ASPG: variants seen among roughly 807,000 people sequenced by gnomAD.
ASPG encodes 60 kDa lysophospholipase.
A neutral mutation model predicts 63.2 loss-of-function variants in ASPG; 53 were observed. The ratio of observed to expected loss-of-function variants is 0.84; its 90% CI spans 0.67 to 1.05. The LOEUF is 1.05. Among genes scored for constraint, ASPG ranks in the 50% least tolerant of loss-of-function variants. The probability of loss-of-function intolerance (pLI) is 0.00; values close to 1 mark genes in which losing one functional copy is unlikely to be tolerated. For synonymous variants in ASPG, 370 were observed against 355.0 expected, an observed-to-expected ratio of 1.04 and a Z score of -0.48; for missense variants, 741 against 794.4, an observed-to-expected ratio of 0.93 and a Z score of 0.81.
rs2037438551 is a variant in ASPG, at chr14:104,114,499, G to A, written c.*1955G>A. The A allele has an allele frequency of 2.6e-5, 4 of 152,312 alleles. No homozygotes were observed. The highest frequency in any genetic ancestry group is 2.6e-4 in the Admixed American group (4 of 15,290). The allele number at this position is 152,312 out of a possible 1,614,324, so 9.4% of individuals were successfully genotyped here. On this transcript the variant is annotated 3_prime_UTR_variant, in exon 16 of 16. Coordinates refer to ENST00000551177, the MANE Select transcript of ASPG (RefSeq NM_001080464.3). ...CTGGGCCAGTGTCTCAGGAGGCTGT[G>A]AAGAGTCATAGGCTTGAGTCTGGGA...
chr14:104,087,385 C>T (rs542729252), intron 1 of ASPG, among the ~76,000 whole-genome samples: 3 of 152,342 alleles, frequency 2.0e-5, no homozygotes, highest in African/African-American at 4.8e-5. Flanking sequence ...GGAGCTAGTC[C>T]CAGGGGCAGG....
At chr14:104,097,151 C>T (rs961840919) in intron 4 of ASPG, among the ~76,000 whole-genome samples, 1 of 152,164 alleles carries the variant, frequency 6.6e-6, no homozygotes, top group Non-Finnish European at 1.5e-5. Context: ...ATGCGTTCTC[C>T]AGTATGGGGA....
At chr14:104,101,354 C>T (rs2036867269) in intron 6 of ASPG, among the ~76,000 whole-genome samples, 1 of 152,190 alleles carries the variant, frequency 6.6e-6, no homozygotes, top group Non-Finnish European at 1.5e-5. Context: ...CTGCCAGCAC[C>T]CTGTCGAGGG....
At position 104,110,589 on chromosome 14, in the gene ASPG, C is replaced by T. The variant is rs2037343327; in HGVS notation, c.1521-913C>T. 2 of 985,136 alleles carry T rather than the reference C, an allele frequency of 2.0e-6. No homozygotes were observed. Among genetic ancestry groups the T allele is most frequent in the Non-Finnish European group, 1.2e-6 (1 of 829,854 alleles). The allele number at this position is 985,136 out of a possible 1,614,324, so 61.0% of individuals were successfully genotyped here. On this transcript the variant is annotated intron_variant, in intron 13 of 15. Coordinates refer to ENST00000551177, the MANE Select transcript of ASPG (RefSeq NM_001080464.3). The surrounding 1 kb of genome is among the most constrained non-coding windows in gnomAD (Gnocchi z 4.7). ...GGGCCGGTGTGTGTGTGGGGCTTGGCCTCTTGGAGCAGGTCCAGGAGGGGC... is the reference window on the plus strand; with the variant it reads ...GGGCCGGTGTGTGTGTGGGGCTTGGTCTCTTGGAGCAGGTCCAGGAGGGGC...
At chr14:104,092,501 T>C in intron 1 of ASPG, 132 bp from the exon 2 acceptor site, 1 of 775,762 alleles carries the variant, frequency 1.3e-6, no homozygotes. Context: ...GCCATAGCCC[T>C]TCCTCCCAGC....
At chr14:104,103,799 T>TCTG in intron 7 of ASPG, 124 bp downstream of exon 7, 1 of 767,678 alleles carries the variant, frequency 1.3e-6, no homozygotes, top group Admixed American at 2.7e-5. Flanking sequence ...ACCTGAGATG[T>TCTG]CTGCAGTGTG....
Position 104,094,836 on chromosome 14 carries a change from C to G in ASPG, c.304-695C>G, listed in dbSNP as rs181232475. 1.8e-3 allele frequency among the ~76,000 whole-genome samples: 275 copies of G among 152,340 alleles called. 1 individual carries two copies. Among genetic ancestry groups the G allele is most frequent in the South Asian group, 0.016 (75 of 4,830 alleles). ...TGCCGCGAGTGGCCAGCAGAGGGCGCCCTTCCCCTCCTTGGCCTCCGCTCC... is the reference window on the plus strand; with the variant it reads ...TGCCGCGAGTGGCCAGCAGAGGGCGGCCTTCCCCTCCTTGGCCTCCGCTCC... On this transcript the variant is annotated intron_variant, in intron 3 of 15. Transcript: ENST00000551177.
Position 104,107,143 on chromosome 14 carries a change from G to A in ASPG, c.1270-39G>A, listed in dbSNP as rs570756518. On this transcript the variant is annotated intron_variant, in intron 11 of 15. Transcript: ENST00000551177. The stretch of plus-strand genomic sequence containing the variant: ...CCCATGGCCTACCTGGCCCCGCCTG[G>A]GTCTCCCTCAGGGGTCGCATGTCCT... 1.6e-5 allele frequency: 25 copies of A among 1,527,350 alleles called. No homozygotes were observed. In the African/African-American group the frequency reaches 2.9e-4, roughly 18 times the overall value. 94.6% of individuals were successfully genotyped at this position (1,527,350 alleles called of 1,614,324 possible).
chr14:104,092,700 C>A lies in ASPG; in HGVS notation c.150C>A (p.His50Gln), dbSNP rs61746376. ...TGCCCATGTTCCATGACGAGGAGCA[C>A]GCCCGAGCCCGCGGCCTCTCTGAGG... ...RTLPMFHDEE[H>Q]ARARGLSEDT... The change falls in exon 2 of 16, where the codon CAC becomes CAA. Residue 50 changes from histidine to glutamine, a missense_variant. His to Gln is a conservative substitution (Grantham distance 24). Transcript: ENST00000551177. 3 of 1,537,430 alleles carry A rather than the reference C, an allele frequency of 2.0e-6. No homozygotes were observed. Among genetic ancestry groups the A allele is most frequent in the Non-Finnish European group, 2.6e-6 (3 of 1,147,424 alleles).
intron 4 of ASPG, among the ~76,000 whole-genome samples, chr14:104,097,012 T>G (rs1416984258): frequency 1.3e-5 from 2 of 152,216 alleles, no homozygotes; most frequent in Admixed American, 1.3e-4. Flanking sequence ...GTACTGTGCC[T>G]GGCATCCCGA....
At chr14:104,107,560 G>A (rs984034166) in intron 12 of ASPG, among the ~76,000 whole-genome samples, 7 of 152,320 alleles carry the variant, frequency 4.6e-5, no homozygotes, top group African/African-American at 9.6e-5. Flanking sequence ...AGGACACGGT[G>A]CATCTCTGTG....
rs765408081 is a variant in ASPG, at chr14:104,104,749, C to T, written c.1050+14C>T. 22 of 1,577,118 alleles carry T rather than the reference C, an allele frequency of 1.4e-5. No individual in the cohort carries two copies. Among genetic ancestry groups the T allele is most frequent in the Middle Eastern group, 1.9e-4 (1 of 5,388 alleles). ...GTCAGGAAGGAGGTGCGGGCGCTCT[C>T]GGGCTGTGGGCAACCCTCGGTGTGC... is the stretch of plus-strand genomic sequence containing the variant. On this transcript the variant is annotated intron_variant, in intron 9 of 15. Transcript: ENST00000551177.
chr14:104,092,560 C>T, intron 1 of ASPG, 73 bp from the exon 2 acceptor site: 1 of 1,232,758 alleles, frequency 8.1e-7, no homozygotes, highest in Non-Finnish European at 1.1e-6. Context: ...TCTGGTCCTG[C>T]CCCTCAGTGA....
intron 9 of ASPG, chr14:104,105,096 G>A: frequency 1.6e-6 from 1 of 638,526 alleles, no homozygotes; most frequent in African/African-American, 1.8e-5. Flanking sequence ...AGCCTCTGGG[G>A]CTGGACGGAG....
At chr14:104,107,419 A>C in intron 12 of ASPG, 74 bp downstream of exon 12, 2 of 1,288,000 alleles carry the variant, frequency 1.6e-6, no homozygotes, top group Non-Finnish European at 2.0e-6. Context: ...CTGCACTCAA[A>C]CAGCCTCCCG....
intron 1 of ASPG, among the ~76,000 whole-genome samples, chr14:104,088,781 G>A (rs751679750): frequency 4.9e-4 from 75 of 152,290 alleles, no homozygotes; most frequent in Middle Eastern, 6.8e-3. Context: ...TGGTGACAGT[G>A]GGGCCCATTG....
chr14:104,095,484 C>A (rs1566827569), intron 3 of ASPG, 47 bp from the exon 4 acceptor site: 8 of 1,609,608 alleles, frequency 5.0e-6, no homozygotes, highest in Non-Finnish European at 5.9e-6. Context: ...CTCCCCCACA[C>A]CTGCTTGCGA....
intron 1 of ASPG, among the ~76,000 whole-genome samples, chr14:104,086,437 C>T (rs1218916918): frequency 6.6e-6 from 1 of 152,210 alleles, no homozygotes; most frequent in Non-Finnish European, 1.5e-5. Flanking sequence ...CAGAGACCAG[C>T]GATTGCGTCT....
intron 6 of ASPG, among the ~76,000 whole-genome samples, chr14:104,099,441 T>TG (rs1295455776): frequency 1.3e-5 from 2 of 152,058 alleles, no homozygotes; most frequent in East Asian, 1.9e-4. Flanking sequence ...GGCTTCCCCC[T>TG]GGGGGGGCCA....
Sources: gnomAD v4.1 joint callset for allele counts (sites outside exome capture counted in the v4.1 genomes callset) on GRCh38, gnomAD v4.1.1 for gene constraint, Gnocchi (gnomAD v3.1) non-coding constraint, MANE v1.5 for transcripts, NCBI Gene and HGNC (gene_info 2026-07-23, HGNC 2026-07-21) for gene names.